Variants in DPYD observed in about 807,000 individuals in gnomAD.
DPYD encodes dihydropyrimidine dehydrogenase [NADP(+)].
In DPYD, 109 loss-of-function variants were observed where a neutral mutation model predicts 116.2. The ratio of observed to expected loss-of-function variants is 0.94; its 90% CI spans 0.80 to 1.10. The LOEUF (loss-of-function observed/expected upper bound fraction) is 1.10, where lower values mean the gene tolerates loss of function less well. Ranked by LOEUF, DPYD falls within the 50% of genes least tolerant of loss-of-function variation. The pLI is 0.00. For synonymous variants in DPYD, 440 were observed against 432.0 expected (o/e 1.02, Z -0.23); for missense variants, 1,302 against 1,254.5 (o/e 1.04, Z -0.57).
At chr1:97,115,704 T>G (rs1047754886) in intron 20 of DPYD, among the ~76,000 whole-genome samples, 2 of 152,162 alleles carry the variant, frequency 1.3e-5, no homozygotes, top group Admixed American at 6.5e-5. Context: ...TTACAATCAT[T>G]ATTATGGTCA....
chr1:97,608,338 A>C (rs1476516603), intron 8 of DPYD, among the ~76,000 whole-genome samples: 1 of 152,004 alleles, frequency 6.6e-6, no homozygotes, highest in Non-Finnish European at 1.5e-5. Context: ...ACAATCTTAA[A>C]TAAATACATC....
chr1:97,835,649 A>G (rs1669733629), intron 2 of DPYD, among the ~76,000 whole-genome samples: 1 of 152,120 alleles, frequency 6.6e-6, no homozygotes, highest in Non-Finnish European at 1.5e-5. Flanking sequence ...TAAAATTACA[A>G]TGCGTTTGTT....
intron 19 of DPYD, among the ~76,000 whole-genome samples, chr1:97,206,400 C>T (rs955779391): frequency 2.0e-5 from 3 of 151,620 alleles, no homozygotes; most frequent in Non-Finnish European, 2.9e-5. Flanking sequence ...CACATTGAAA[C>T]TCACAATAGC....
intron 8 of DPYD, among the ~76,000 whole-genome samples, chr1:97,655,935 CTTTACTT>C (rs1267508484): frequency 6.6e-6 from 1 of 152,112 alleles, no homozygotes; most frequent in African/African-American, 2.4e-5. Context: ...GAAGGACACA[CTTTACTT>C]TTTACTTTTT....
chr1:97,716,312 A>T (rs1240691360), intron 5 of DPYD, among the ~76,000 whole-genome samples: 1 of 152,010 alleles, frequency 6.6e-6, no homozygotes, highest in African/African-American at 2.4e-5. Context: ...AGGCATAAGA[A>T]TAGTTAACAA....
chr1:97,169,154 C>T (rs1656536633), intron 20 of DPYD, among the ~76,000 whole-genome samples: 1 of 152,108 alleles, frequency 6.6e-6, no homozygotes, highest in East Asian at 1.9e-4. Flanking sequence ...AGCAGTGATT[C>T]TGTTTTGCTC....
intron 16 of DPYD, among the ~76,000 whole-genome samples, chr1:97,317,642 TA>T (rs1219174211): frequency 6.6e-6 from 1 of 151,992 alleles, no homozygotes; most frequent in Non-Finnish European, 1.5e-5. Flanking sequence ...ACCACAAGCA[TA>T]AAACCTCAGT....
At chr1:97,667,760 T>C (rs1659642481) in intron 8 of DPYD, among the ~76,000 whole-genome samples, 1 of 152,158 alleles carries the variant, frequency 6.6e-6, no homozygotes, top group African/African-American at 2.4e-5. Context: ...AATATCTGTA[T>C]AACCTATGTT....
At chr1:97,900,281 T>G (rs943846689) in intron 1 of DPYD, among the ~76,000 whole-genome samples, 3 of 151,890 alleles carry the variant, frequency 2.0e-5, no homozygotes, top group African/African-American at 7.2e-5. Context: ...TCTCTGGACT[T>G]CTTTTACATG....
intron 13 of DPYD, among the ~76,000 whole-genome samples, chr1:97,484,022 C>G (rs1001871788): frequency 2.0e-5 from 3 of 152,060 alleles, no homozygotes; most frequent in African/African-American, 7.2e-5. Context: ...AAATAATTTC[C>G]AACTGGGTCC....
At chr1:97,796,534 A>G (rs890177397) in intron 3 of DPYD, among the ~76,000 whole-genome samples, 1 of 152,120 alleles carries the variant, frequency 6.6e-6, no homozygotes, top group African/African-American at 2.4e-5. Flanking sequence ...CCCCACTTCA[A>G]TAAAACTCTT....
intron 4 of DPYD, among the ~76,000 whole-genome samples, chr1:97,738,001 CA>C (rs1664057129): frequency 2.6e-5 from 4 of 152,022 alleles, no homozygotes; most frequent in Admixed American, 2.6e-4. Context: ...ACAAAAGCCA[CA>C]CTAATCTGAT....
intron 19 of DPYD, among the ~76,000 whole-genome samples, chr1:97,229,602 T>C (rs1661456352): frequency 7.1e-6 from 1 of 140,016 alleles, no homozygotes; most frequent in African/African-American, 2.6e-5. Flanking sequence ...TGATTTTAAT[T>C]CATACTTTAG....
rs71071637 is a variant in DPYD, at chr1:97,195,634, GTATATA to G, written c.2443-2392_2443-2387del. Among the ~76,000 whole-genome samples the G allele has an allele frequency of 4.7e-3, 273 of 57,618 alleles. 6 individuals are homozygous for G. The highest frequency in any genetic ancestry group is 8.7e-3 in the South Asian group (13 of 1,488). 37.8% of individuals were successfully genotyped at this position (57,618 alleles called of 152,430 possible). A position where few individuals can be genotyped will look rare whatever the true frequency, so the allele number is the denominator to read the frequency against. On this transcript the variant is annotated intron_variant, in intron 19 of 22. Transcript: ENST00000370192. ...TATATATGTATGTGTATATGTATGT[GTATATA>G]TATATATATATATATATATATATAT...
At chr1:97,900,713 G>C (rs1673326340) in intron 1 of DPYD, among the ~76,000 whole-genome samples, 1 of 151,702 alleles carries the variant, frequency 6.6e-6, no homozygotes, top group Non-Finnish European at 1.5e-5. Flanking sequence ...ATAGCATAAT[G>C]ATGTGAATAA....
At chr1:97,125,320 C>T (rs1439419463) in intron 20 of DPYD, among the ~76,000 whole-genome samples, 4 of 151,982 alleles carry the variant, frequency 2.6e-5, no homozygotes, top group Non-Finnish European at 4.4e-5. Context: ...CACATGAGAT[C>T]GTTTTTCTCA....
chr1:97,110,813 T>C (rs890389176), intron 20 of DPYD, among the ~76,000 whole-genome samples: 6 of 152,100 alleles, frequency 3.9e-5, no homozygotes, highest in African/African-American at 1.4e-4. Flanking sequence ...TTTTTGTTTG[T>C]GCTCATCTAA....
At chr1:97,857,868 T>C (rs1670926674) in intron 2 of DPYD, among the ~76,000 whole-genome samples, 1 of 151,996 alleles carries the variant, frequency 6.6e-6, no homozygotes, top group African/African-American at 2.4e-5. Flanking sequence ...CTTCAGCTTG[T>C]GCAATCTAAC....
At chr1:97,284,938 T>C (rs188575465) in intron 18 of DPYD, among the ~76,000 whole-genome samples, 210 of 152,342 alleles carry the variant, frequency 1.4e-3, no homozygotes, top group Non-Finnish European at 2.3e-3. Flanking sequence ...TCTTCTTGTT[T>C]CAACCCAGTG....
Sources: gnomAD v4.1 joint callset for allele counts (sites outside exome capture counted in the v4.1 genomes callset) on GRCh38, gnomAD v4.1.1 for gene constraint, MANE v1.5 for transcripts, NCBI Gene and HGNC (gene_info 2026-07-23, HGNC 2026-07-21) for gene names.